The following CYGB variants were observed in gnomAD, a reference collection of about 807,000 sequenced individuals.
CYGB encodes cytoglobin.
In CYGB, 13 loss-of-function variants were observed where a neutral mutation model predicts 20.7. The observed-to-expected ratio is 0.63, with a 90% CI of 0.41 to 1.00. The LOEUF (loss-of-function observed/expected upper bound fraction) is 1.00. Among genes scored for constraint, CYGB ranks in the 50% least tolerant of loss-of-function variants. The pLI is 0.00. For synonymous variants in CYGB, 93 were observed against 107.4 expected (o/e 0.87, Z 0.83); for missense variants, 218 against 257.2 (o/e 0.85, Z 1.04).
At chr17:76,549,815 GTGA>G (rs2075089307) in intron 1 of CYGB, 1 of 152,208 alleles carries the variant, frequency 6.6e-6, no homozygotes, top group African/African-American at 2.4e-5. Flanking sequence ...CCCCTACTGT[GTGA>G]TGATGACATG....
At chr17:76,538,457 C>CGCGGCG (rs748142936), upstream of CYGB, 4 of 465,726 alleles carry the variant, frequency 8.6e-6, no homozygotes, top group Non-Finnish European at 1.8e-5. Context: ...GGTGCACGAA[C>CGCGGCG]GCGGCGGCGG....
chr17:76,542,342 T>C (rs1567912035), upstream of CYGB, among the ~76,000 whole-genome samples: 1 of 152,238 alleles, frequency 6.6e-6, no homozygotes, highest in Non-Finnish European at 1.5e-5. Flanking sequence ...AGGAACCACC[T>C]GCCGATGGTG....
intron 1 of CYGB, among the ~76,000 whole-genome samples, chr17:76,536,478 C>T (rs1337415862): frequency 6.6e-6 from 1 of 152,190 alleles, no homozygotes; most frequent in African/African-American, 2.4e-5. Context: ...TCTGGGGCTC[C>T]TCTGCCTGCA....
chr17:76,548,808 C>G (rs953048622), intron 1 of CYGB, among the ~76,000 whole-genome samples: 22 of 152,190 alleles, frequency 1.4e-4, no homozygotes, highest in Admixed American at 6.5e-5. Flanking sequence ...CCACAAACAA[C>G]CAGAAAACTG....
chr17:76,528,435 C>G lies in CYGB; in HGVS notation c.*143G>C. 1.3e-6 allele frequency: 1 copy of G among 771,056 alleles called. No homozygotes were observed. Among genetic ancestry groups the G allele is most frequent in the Non-Finnish European group, 1.8e-6 (1 of 556,120 alleles). 47.8% of individuals were successfully genotyped at this position (771,056 alleles called of 1,614,324 possible). A position where few individuals can be genotyped will look rare whatever the true frequency, so the allele number is the denominator to read the frequency against. ...AGCAGCTCCAGGGGGGGACCCTGGCCGCCACAGAGGCCTCCTTCGGGGAAG... is the reference window on the plus strand; with the variant it reads ...AGCAGCTCCAGGGGGGGACCCTGGCGGCCACAGAGGCCTCCTTCGGGGAAG... On this transcript the variant is annotated 3_prime_UTR_variant, in exon 4 of 4. Coordinates refer to ENST00000293230, the MANE Select transcript of CYGB (RefSeq NM_134268.5). This position sits in a 1 kb window ranked among gnomAD's most constrained non-coding sequence, Gnocchi z 5.8.
upstream of CYGB, chr17:76,542,640 C>T (rs1369795195): frequency 1.9e-6 from 3 of 1,590,458 alleles, no homozygotes; most frequent in Non-Finnish European, 2.6e-6. Flanking sequence ...GCAGGTAGGG[C>T]AGGGCTGGGA....
At chr17:76,529,890 C>T (rs1393466475) in intron 3 of CYGB, 1 of 985,222 alleles carries the variant, frequency 1.0e-6, no homozygotes, top group Non-Finnish European at 1.2e-6. Context: ...ACTCCACTCT[C>T]TTGGGGTGGT....
Position 76,528,725 on chromosome 17 carries a change from G to T in CYGB, c.540-114C>A. The T allele has an allele frequency of 9.1e-7, 1 of 1,097,004 alleles. No homozygotes were observed. The highest frequency in any genetic ancestry group is 1.2e-6 in the Non-Finnish European group (1 of 852,030). 68.0% of individuals were successfully genotyped at this position (1,097,004 alleles called of 1,614,324 possible). A position where few individuals can be genotyped will look rare whatever the true frequency, so the allele number is the denominator to read the frequency against. Reference sequence around the variant, plus strand: ...GGCTCACTTCCTGCCAAGAGATCCGGCACAGTGCAGTTGAAAGCAACCGTG... The same window carrying T: ...GGCTCACTTCCTGCCAAGAGATCCGTCACAGTGCAGTTGAAAGCAACCGTG... On this transcript the variant is annotated intron_variant, in intron 3 of 3. Coordinates refer to ENST00000293230, the MANE Select transcript of CYGB (RefSeq NM_134268.5). The surrounding 1 kb of genome is among the most constrained non-coding windows in gnomAD (Gnocchi z 5.8).
chr17:76,545,748 C>A (rs991077205), intron 1 of CYGB: 6 of 235,904 alleles, frequency 2.5e-5, no homozygotes. Context: ...GTGGAAGATG[C>A]TTAGCATGTT....
chr17:76,533,462 C>T lies in CYGB; in HGVS notation c.144-1771G>A, dbSNP rs1240891412. ...TGATATGGCCGGGCACGGTGGCTCA[C>T]GCCTATAATCCTAGCACTTTACGAG... On this transcript the variant is annotated intron_variant, in intron 1 of 3. Transcript: ENST00000293230. This position sits in a 1 kb window ranked among gnomAD's most constrained non-coding sequence, Gnocchi z 4.5. Among the ~76,000 whole-genome samples, 4 of 152,182 alleles carry T rather than the reference C, an allele frequency of 2.6e-5. No homozygotes were observed. Among genetic ancestry groups the T allele is most frequent in the African/African-American group, 7.2e-5 (3 of 41,426 alleles).
At chr17:76,550,559 C>T (rs1203845457) in intron 1 of CYGB, 2 of 152,186 alleles carry the variant, frequency 1.3e-5, no homozygotes, top group Non-Finnish European at 2.9e-5. Context: ...ACCGCACCCG[C>T]CTAAGAAGGT....
chr17:76,545,563 G>C (rs755123434), intron 1 of CYGB: 2 of 349,050 alleles, frequency 5.7e-6, no homozygotes, highest in Admixed American at 7.5e-5. Flanking sequence ...AAGAGTCCAA[G>C]AGCAAGGTGT....
chr17:76,527,937 C>T lies in CYGB; in HGVS notation c.*641G>A, dbSNP rs143827746. ...GGTCTGAGAAGGGGCTGGGCTTTGC[C>T]GCCAAGCCGGGTTGCCCCAGCCCTG... On this transcript the variant is annotated 3_prime_UTR_variant, in exon 4 of 4. Coordinates refer to ENST00000293230, the MANE Select transcript of CYGB (RefSeq NM_134268.5). 24 of 389,518 alleles carry T rather than the reference C, an allele frequency of 6.2e-5. No homozygotes were observed. The highest frequency in any genetic ancestry group is 1.4e-4 in the Admixed American group (5 of 36,436). The allele number at this position is 389,518 out of a possible 1,614,324, so 24.1% of individuals were successfully genotyped here. A position where few individuals can be genotyped will look rare whatever the true frequency, so the allele number is the denominator to read the frequency against.
In CYGB at chr17:76,531,213, G is replaced by A. The variant is rs1364064899; in HGVS notation, c.376-71C>T. On this transcript the variant is annotated intron_variant, in intron 2 of 3. Transcript: ENST00000293230. This position sits in a 1 kb window ranked among gnomAD's most constrained non-coding sequence, Gnocchi z 7.4. The stretch of plus-strand genomic sequence containing the variant: ...CGTCCTGCAACCCCCAGGCCCCTCC[G>A]CCCCACGTGTGGCCGAGAGGATCAT... 16 of 1,473,184 alleles carry A rather than the reference G, an allele frequency of 1.1e-5. No individual in the cohort carries two copies. Among genetic ancestry groups the A allele is most frequent in the South Asian group, 9.7e-5 (8 of 82,206 alleles). 91.3% of individuals were successfully genotyped at this position (1,473,184 alleles called of 1,614,324 possible).
In CYGB at chr17:76,527,597, C is replaced by G. The variant is rs926907005; in HGVS notation, c.*981G>C. 2.2e-6 allele frequency: 1 copy of G among 453,040 alleles called. No individual in the cohort carries two copies. Among genetic ancestry groups the G allele is most frequent in the Admixed American group, 2.4e-5 (1 of 42,528 alleles). 28.1% of individuals were successfully genotyped at this position (453,040 alleles called of 1,614,324 possible). On this transcript the variant is annotated 3_prime_UTR_variant, in exon 4 of 4. Coordinates refer to ENST00000293230, the MANE Select transcript of CYGB (RefSeq NM_134268.5). ...CCTGACGCAGATGAATAGACAGGGC[C>G]GACTGCCGGCCAGGAGGAGGGTGGG...
In CYGB at chr17:76,537,474, C is replaced by G; in HGVS notation, c.69G>C (p.Glu23Asp). ...RERSEELSEAERKAVQAMWAR... is the reference protein window; with the variant it reads ...RERSEELSEADRKAVQAMWAR... Reference sequence around the variant, plus strand: ...CCCACATAGCCTGCACCGCCTTCCTCTCCGCCTCGGACAGCTCCTCGCTCC... The same window carrying G: ...CCCACATAGCCTGCACCGCCTTCCTGTCCGCCTCGGACAGCTCCTCGCTCC... Residue 23 changes from glutamate to aspartate, a missense_variant, in exon 1 of 4, where the codon GAG becomes GAC. Transcript: ENST00000293230. 6.3e-7 allele frequency: 1 copy of G among 1,596,212 alleles called. No individual in the cohort carries two copies.
chr17:76,544,838 C>A (rs887925408), intron 1 of CYGB: 2 of 456,710 alleles, frequency 4.4e-6, no homozygotes, highest in Admixed American at 4.7e-5. Flanking sequence ...AATTGTCAGG[C>A]CAAGGTCATG....
At chr17:76,537,816 C>G (rs1436226610), upstream of CYGB, 2 of 154,192 alleles carry the variant, frequency 1.3e-5, no homozygotes, top group Non-Finnish European at 2.8e-5. Context: ...CAAATCCGCT[C>G]CAAACCCCCA....
In CYGB at chr17:76,527,745, C is replaced by T. The variant is rs144615545; in HGVS notation, c.*833G>A. ...TGGTGGCCAAGGCAGGTGGAGCTAG[C>T]GGTCGAGGTTTCTGGACTGAGGCCC... On this transcript the variant is annotated 3_prime_UTR_variant, in exon 4 of 4. Transcript: ENST00000293230. The T allele has an allele frequency of 8.3e-3, 3,752 of 453,996 alleles. 84 individuals are homozygous for T. The highest frequency in any genetic ancestry group is 0.045 in the Admixed American group (1,932 of 42,570). 28.1% of individuals were successfully genotyped at this position (453,996 alleles called of 1,614,324 possible). A position where few individuals can be genotyped will look rare whatever the true frequency, so the allele number is the denominator to read the frequency against.
Sources: allele counts gnomAD v4.1 joint callset (sites outside exome capture counted in the v4.1 genomes callset), GRCh38; gene constraint gnomAD v4.1.1; non-coding constraint Gnocchi (gnomAD v3.1); transcripts MANE v1.5; gene names NCBI Gene and HGNC (gene_info 2026-07-23, HGNC 2026-07-21).